CAMK4: variants seen among roughly 807,000 people sequenced by gnomAD.
CAMK4 encodes the protein calcium/calmodulin dependent protein kinase IV.
Under a neutral mutation model 44.9 loss-of-function variants are expected in CAMK4, and 22 were observed. That is an observed-to-expected ratio of 0.49 (90% CI 0.35 to 0.70). CAMK4 has a LOEUF of 0.70. Ranked by LOEUF, CAMK4 falls within the 30% of genes least tolerant of loss-of-function variation. CAMK4 has a pLI of 0.01. For missense variants in CAMK4, 498 were observed against 586.8 expected, an observed-to-expected ratio of 0.85 and a Z score of 1.56; for synonymous variants, 218 against 215.4, an observed-to-expected ratio of 1.01 and a Z score of -0.11.
rs56775792 is a variant in CAMK4 at position 111,320,873 on chromosome 5, A to G, written c.162-23151A>G. Among the ~76,000 whole-genome samples, 1,148 of 152,288 alleles carry G rather than the reference A, an allele frequency of 7.5e-3. 15 individuals are homozygous for G. The highest frequency in any genetic ancestry group is 0.027 in the African/African-American group (1,111 of 41,568). ...ACATTTTAACATCTCTGCAGTCAAG[A>G]TGCATCCTGCAGCCATAACTATGGG... is the stretch of plus-strand genomic sequence containing the variant. On this transcript the variant is annotated intron_variant, in intron 1 of 10. Coordinates refer to ENST00000282356, the MANE Select transcript of CAMK4 (RefSeq NM_001744.6).
chr5:111,247,632 T>A (rs899679389), intron 1 of CAMK4, among the ~76,000 whole-genome samples: 1 of 152,068 alleles, frequency 6.6e-6, no homozygotes. Context: ...GAACTAATAC[T>A]ATAGCTTTGA....
chr5:111,479,622 C>A (rs2112497665), intron 9 of CAMK4, among the ~76,000 whole-genome samples: 1 of 152,238 alleles, frequency 6.6e-6, no homozygotes, highest in East Asian at 1.9e-4. Flanking sequence ...CACAGCTTCC[C>A]AGCAGAAAGA....
Position 111,283,594 on chromosome 5 carries a change from A to C in CAMK4, c.161+58950A>C, listed in dbSNP as rs553374708. On this transcript the variant is annotated intron_variant, in intron 1 of 10. Coordinates refer to ENST00000282356, the MANE Select transcript of CAMK4 (RefSeq NM_001744.6). ...TGATCTGTCTAGAGGTGTGAATGGA[A>C]GGTTTCAAATAACAATCAGAATTCA... Among the ~76,000 whole-genome samples the C allele has an allele frequency of 5.3e-5, 8 of 152,368 alleles. No homozygotes were observed. In the East Asian group the frequency reaches 1.3e-3, roughly 26 times the overall value.
chr5:111,383,511 G>A (rs1406501681), intron 4 of CAMK4, among the ~76,000 whole-genome samples: 1 of 152,158 alleles, frequency 6.6e-6, no homozygotes, highest in South Asian at 2.1e-4. Context: ...AACGTTATGG[G>A]CATTAGCAAG....
At chr5:111,270,948 GC>G (rs1287506509) in intron 1 of CAMK4, among the ~76,000 whole-genome samples, 1 of 152,148 alleles carries the variant, frequency 6.6e-6, no homozygotes, top group Non-Finnish European at 1.5e-5. Flanking sequence ...TACAATCATG[GC>G]AGAAGGGGAA....
intron 4 of CAMK4, among the ~76,000 whole-genome samples, chr5:111,383,883 G>A (rs1751503942): frequency 6.6e-6 from 1 of 152,114 alleles, no homozygotes; most frequent in African/African-American, 2.4e-5. Flanking sequence ...TATGCTAAGG[G>A]AATGAAGCCA....
At chr5:111,298,327 C>T (rs537779078) in intron 1 of CAMK4, among the ~76,000 whole-genome samples, 27 of 152,222 alleles carry the variant, frequency 1.8e-4, no homozygotes, top group African/African-American at 6.5e-4. Flanking sequence ...AATTAATGCA[C>T]AATACACTTA....
At chr5:111,281,859 CCATCCTGGCTAA>C (rs1225424826) in intron 1 of CAMK4, among the ~76,000 whole-genome samples, 1 of 151,768 alleles carries the variant, frequency 6.6e-6, no homozygotes, top group Non-Finnish European at 1.5e-5. Flanking sequence ...GAGATCGAGA[CCATCCTGGCTAA>C]CACGGTGAAA....
chr5:111,486,499 A>T lies in CAMK4; in HGVS notation c.*2033A>T, dbSNP rs1755624515. On this transcript the variant is annotated 3_prime_UTR_variant, in exon 11 of 11. Transcript: ENST00000282356. ...TGTTGTACTTTTTACCATGAGACTG[A>T]AACACACACACACACACACACACAC... 1.1e-5 allele frequency: 1 copy of T among 92,576 alleles called. No homozygotes were observed. The highest frequency in any genetic ancestry group is 4.2e-5 in the African/African-American group (1 of 23,674). 5.7% of individuals were successfully genotyped at this position (92,576 alleles called of 1,614,324 possible). A position where few individuals can be genotyped will look rare whatever the true frequency, so the allele number is the denominator to read the frequency against.
At chr5:111,342,665 T>A (rs967585196) in intron 1 of CAMK4, among the ~76,000 whole-genome samples, 5 of 151,606 alleles carry the variant, frequency 3.3e-5, no homozygotes, top group Admixed American at 2.6e-4. Context: ...CATTGTTAGC[T>A]GTTTCATTTT....
intron 1 of CAMK4, among the ~76,000 whole-genome samples, chr5:111,288,193 C>T (rs1051374637): frequency 1.3e-5 from 2 of 152,094 alleles, no homozygotes; most frequent in Non-Finnish European, 2.9e-5. Flanking sequence ...AAAACATTAT[C>T]ACAATTTATT....
At chr5:111,232,566 A>G (rs147686362) in intron 1 of CAMK4, among the ~76,000 whole-genome samples, 132 of 152,266 alleles carry the variant, frequency 8.7e-4, no homozygotes, top group African/African-American at 2.9e-3. Context: ...CAGACCAAAG[A>G]CAACCTGTTT....
chr5:111,292,017 A>T (rs1206100069), intron 1 of CAMK4, among the ~76,000 whole-genome samples: 1 of 152,238 alleles, frequency 6.6e-6, no homozygotes, highest in Non-Finnish European at 1.5e-5. Context: ...CAATGGGTAT[A>T]TATTTATATT....
chr5:111,357,698 C>T (rs1320315759), intron 2 of CAMK4, among the ~76,000 whole-genome samples: 1 of 151,970 alleles, frequency 6.6e-6, no homozygotes, highest in Admixed American at 6.6e-5. Context: ...TAGTTTTCAA[C>T]GTTTTTTAAA....
At chr5:111,396,216 A>G (rs1580697522) in intron 5 of CAMK4, among the ~76,000 whole-genome samples, 2 of 152,332 alleles carry the variant, frequency 1.3e-5, no homozygotes, top group East Asian at 3.9e-4. Context: ...TTGGCTTTAT[A>G]GCCCAGTCCT....
intron 1 of CAMK4, among the ~76,000 whole-genome samples, chr5:111,266,559 T>C (rs1410685453): frequency 1.3e-5 from 2 of 152,248 alleles, no homozygotes; most frequent in African/African-American, 4.8e-5. Flanking sequence ...TATTTATTAG[T>C]CTTTCTCAAT....
intron 5 of CAMK4, among the ~76,000 whole-genome samples, chr5:111,432,146 A>C (rs1753470685): frequency 6.6e-6 from 1 of 152,186 alleles, no homozygotes; most frequent in Non-Finnish European, 1.5e-5. Flanking sequence ...AATGTGGTAC[A>C]TATACACAAT....
intron 1 of CAMK4, among the ~76,000 whole-genome samples, chr5:111,277,800 A>G (rs1243270828): frequency 2.0e-5 from 3 of 152,034 alleles, no homozygotes; most frequent in Non-Finnish European, 4.4e-5. Context: ...TGTTTAAGGG[A>G]CCAAATGATT....
chr5:111,245,146 G>T (rs1427701004), intron 1 of CAMK4, among the ~76,000 whole-genome samples: 2 of 152,074 alleles, frequency 1.3e-5, no homozygotes, highest in Non-Finnish European at 2.9e-5. Context: ...CTTTTTTACA[G>T]TTGGGGACAT....
Sources: allele counts gnomAD v4.1 joint callset (sites outside exome capture counted in the v4.1 genomes callset), GRCh38; gene constraint gnomAD v4.1.1; transcripts MANE v1.5; gene names NCBI Gene and HGNC (gene_info 2026-07-23, HGNC 2026-07-21).